The following EIF4G3 variants were observed in gnomAD, a reference collection of about 807,000 sequenced individuals.
The protein encoded by EIF4G3 is eIF-4-gamma 3.
A neutral mutation model predicts 186.4 loss-of-function variants in EIF4G3; 34 were observed. That is an observed-to-expected ratio of 0.18 (90% CI 0.14 to 0.24). EIF4G3 has a LOEUF of 0.24. Among genes scored for constraint, EIF4G3 ranks in the 10% least tolerant of loss-of-function variants. The pLI is 1.00. For missense variants in EIF4G3, 1,536 were observed against 1,948.5 expected (o/e 0.79, Z 3.99); for synonymous variants, 673 against 679.5 (o/e 0.99, Z 0.15).
intron 20 of EIF4G3, among the ~76,000 whole-genome samples, chr1:20,875,067 C>T (rs1387561370): frequency 6.6e-6 from 1 of 152,150 alleles, no homozygotes; most frequent in African/African-American, 2.4e-5. Context: ...CAGCCGTGAC[C>T]TCCTGGACTC....
At chr1:21,052,944 C>A (rs71647182) in intron 3 of EIF4G3, among the ~76,000 whole-genome samples, 4,103 of 152,230 alleles carry the variant, frequency 0.027, 45 homozygotes, top group Non-Finnish European at 0.037. Context: ...CCTCCACCTC[C>A]CAGCTGCCTG....
chr1:21,109,545 ATAAG>A (rs949227556), intron 2 of EIF4G3, among the ~76,000 whole-genome samples: 1 of 152,226 alleles, frequency 6.6e-6, no homozygotes, highest in Non-Finnish European at 1.5e-5. Context: ...ATGAAAGTAA[ATAAG>A]TAAATAAGAC....
intron 6 of EIF4G3, among the ~76,000 whole-genome samples, chr1:20,998,212 T>TACAC (rs5772928): frequency 0.077 from 11,499 of 148,412 alleles, 807 homozygotes; most frequent in African/African-American, 0.19. Flanking sequence ...TTTATGACTT[T>TACAC]ACACACACAC....
intron 30 of EIF4G3, among the ~76,000 whole-genome samples, chr1:20,837,611 A>C (rs1051526175): frequency 6.6e-6 from 1 of 152,198 alleles, no homozygotes; most frequent in Non-Finnish European, 1.5e-5. Flanking sequence ...AGCAGCACCC[A>C]AAACAGCTGA....
intron 12 of EIF4G3, among the ~76,000 whole-genome samples, chr1:20,955,984 T>C (rs1573481173): frequency 1.3e-5 from 2 of 152,164 alleles, no homozygotes; most frequent in East Asian, 3.9e-4. Flanking sequence ...TCTCATAATA[T>C]AATAATATAT....
chr1:21,040,491 A>C (rs2093501794), intron 4 of EIF4G3, among the ~76,000 whole-genome samples: 1 of 152,216 alleles, frequency 6.6e-6, no homozygotes, highest in African/African-American at 2.4e-5. Context: ...AGAGGGGATC[A>C]TGAGATCCCC....
chr1:21,071,709 G>C (rs1254179764), intron 3 of EIF4G3, among the ~76,000 whole-genome samples: 2 of 151,994 alleles, frequency 1.3e-5, no homozygotes. Flanking sequence ...AGGAGGCTGA[G>C]GCAGGAGAAT....
At chr1:20,947,541 A>AAG (rs543660805) in intron 13 of EIF4G3, among the ~76,000 whole-genome samples, 4 of 151,304 alleles carry the variant, frequency 2.6e-5, no homozygotes, top group African/African-American at 4.9e-5. Context: ...AGAAAGAAAA[A>AAG]AGAGAGAGAG....
intron 3 of EIF4G3, among the ~76,000 whole-genome samples, chr1:21,070,969 C>T (rs2095424356): frequency 6.6e-6 from 1 of 152,106 alleles, no homozygotes; most frequent in Non-Finnish European, 1.5e-5. Context: ...CGCTACCACC[C>T]CCTCATACCC....
At chr1:20,834,015 C>T (rs1216474754) in intron 30 of EIF4G3, among the ~76,000 whole-genome samples, 30 of 152,116 alleles carry the variant, frequency 2.0e-4, no homozygotes, top group Admixed American at 2.0e-3. Flanking sequence ...AATGCTACCA[C>T]AATTGAAAGT....
intron 2 of EIF4G3, among the ~76,000 whole-genome samples, chr1:21,160,134 T>C (rs185693430): frequency 9.3e-5 from 14 of 150,882 alleles, no homozygotes; most frequent in Admixed American, 9.2e-4. Context: ...GATAATGGCT[T>C]CTTGAAAGAA....
intron 2 of EIF4G3, among the ~76,000 whole-genome samples, chr1:21,166,583 C>CA (rs2097858805): frequency 6.6e-6 from 1 of 151,922 alleles, no homozygotes; most frequent in African/African-American, 2.4e-5. Context: ...AAAATTGCCC[C>CA]AATGTGGTGG....
At chr1:21,046,821 T>G (rs976517044) in intron 4 of EIF4G3, among the ~76,000 whole-genome samples, 1 of 152,208 alleles carries the variant, frequency 6.6e-6, no homozygotes, top group African/African-American at 2.4e-5. Context: ...AGATAGCTTC[T>G]AAGTTTCACA....
At chr1:20,913,712 A>G (rs1263422473) in intron 14 of EIF4G3, among the ~76,000 whole-genome samples, 1 of 147,882 alleles carries the variant, frequency 6.8e-6, no homozygotes. Context: ...TTTGTTTCCT[A>G]TCTGTATTAT....
chr1:20,857,547 A>G (rs2075314406), intron 24 of EIF4G3, 50 bp from the exon 25 acceptor site: 2 of 1,445,644 alleles, frequency 1.4e-6, no homozygotes, highest in African/African-American at 2.8e-5. Flanking sequence ...AGTCAGTTTT[A>G]CATTGAAAGA....
intron 4 of EIF4G3, among the ~76,000 whole-genome samples, chr1:21,021,815 C>G (rs567705812): frequency 6.6e-6 from 1 of 152,256 alleles, no homozygotes; most frequent in South Asian, 2.1e-4. Context: ...CTCAGCCTCC[C>G]AAAGTGCTGG....
chr1:21,091,075 C>A (rs142410197), intron 2 of EIF4G3, among the ~76,000 whole-genome samples: 1 of 152,176 alleles, frequency 6.6e-6, no homozygotes, highest in Admixed American at 6.5e-5. Flanking sequence ...ACAAAGATAC[C>A]GAACAGGATT....
intron 34 of EIF4G3, among the ~76,000 whole-genome samples, chr1:20,815,409 A>G (rs1190381340): frequency 7.0e-6 from 1 of 141,898 alleles, no homozygotes; most frequent in Non-Finnish European, 1.5e-5. Context: ...CCATCGTCTG[A>G]GTGGGGAGCG....
At chr1:20,841,103 C>A (rs2154549223) in intron 29 of EIF4G3, 75 bp from the exon 30 acceptor site, 4 of 1,468,484 alleles carry the variant, frequency 2.7e-6, no homozygotes, top group East Asian at 2.3e-5. Context: ...ACTTTAAAAT[C>A]TTTTACTTAC....
Sources: allele counts gnomAD v4.1 joint callset (sites outside exome capture counted in the v4.1 genomes callset), GRCh38; gene constraint gnomAD v4.1.1; transcripts MANE v1.5; gene names NCBI Gene and HGNC (gene_info 2026-07-23, HGNC 2026-07-21).